The following MAK variants were observed in gnomAD, a reference collection of about 807,000 sequenced individuals.
MAK encodes male germ cell associated kinase.
MAK carries 65 observed loss-of-function variants against 82.6 expected under a neutral mutation model. That is an observed-to-expected ratio of 0.79 (90% CI 0.64 to 0.97). The LOEUF (loss-of-function observed/expected upper bound fraction) is 0.97. Ranked by LOEUF, MAK falls within the 50% of genes least tolerant of loss-of-function variation. The pLI is 0.00. For missense variants in MAK, 703 were observed against 780.2 expected, an observed-to-expected ratio of 0.90 and a Z score of 1.18; for synonymous variants, 250 against 274.2, an observed-to-expected ratio of 0.91 and a Z score of 0.87.
At chr6:10,773,011 T>C in intron 13 of MAK, 23 bp downstream of exon 13, 1 of 1,469,128 alleles carries the variant, frequency 6.8e-7, no homozygotes. Context: ...ACAAACTGCA[T>C]TCATCTGACG....
At chr6:10,764,819 G>A (rs58778982) in intron 14 of MAK, among the ~76,000 whole-genome samples, 2,232 of 152,192 alleles carry the variant, frequency 0.015, 63 homozygotes, top group African/African-American at 0.051. Context: ...CTGGCCGGGC[G>A]CAGTGGCTCC....
intron 10 of MAK, chr6:10,785,030 C>A (rs6936890): frequency 3.8e-5 from 17 of 451,756 alleles, no homozygotes; most frequent in Middle Eastern, 3.3e-4. Flanking sequence ...TACAATTTCC[C>A]GTCACCCTAG....
At chr6:10,818,994 A>G in intron 2 of MAK, 54 bp from the exon 3 acceptor site, 1 of 958,790 alleles carries the variant, frequency 1.0e-6, no homozygotes, top group Non-Finnish European at 1.7e-6. Context: ...TCAAAGACAC[A>G]CATTACACTG....
intron 2 of MAK, among the ~76,000 whole-genome samples, chr6:10,821,963 G>A (rs760920312): frequency 1.3e-5 from 2 of 150,982 alleles, no homozygotes; most frequent in African/African-American, 2.4e-5. Flanking sequence ...CTGGGTAACA[G>A]GGTGAAACCC....
chr6:10,782,991 C>T (rs1379427892), intron 11 of MAK, among the ~76,000 whole-genome samples: 2 of 152,152 alleles, frequency 1.3e-5, no homozygotes, highest in African/African-American at 4.8e-5. Context: ...CTCTTGTTTG[C>T]CATGCCCCAT....
chr6:10,831,632 G>T (rs868730632), intron 1 of MAK, among the ~76,000 whole-genome samples: 7 of 152,078 alleles, frequency 4.6e-5, no homozygotes, highest in Non-Finnish European at 1.0e-4. Context: ...TGTAGTCCCA[G>T]CTACTTGGGA....
At chr6:10,772,051 C>T (rs569640760) in intron 13 of MAK, among the ~76,000 whole-genome samples, 2 of 152,316 alleles carry the variant, frequency 1.3e-5, no homozygotes, top group South Asian at 4.1e-4. Flanking sequence ...GACGGGAAAG[C>T]TGGCTTAAAC....
In MAK at chr6:10,830,534, G is replaced by A. The variant is rs1344520082; in HGVS notation, c.101+14C>T. On this transcript the variant is annotated intron_variant, in intron 2 of 14. Transcript: ENST00000354489. ...AGTTTTCAAAGGTGAAGTTGGCAGTGTCACACACAGTACCTTTTGATGGCC... is the reference window on the plus strand; with the variant it reads ...AGTTTTCAAAGGTGAAGTTGGCAGTATCACACACAGTACCTTTTGATGGCC... 3 of 1,600,318 alleles carry A rather than the reference G, an allele frequency of 1.9e-6. No homozygotes were observed. Among genetic ancestry groups the A allele is most frequent in the Admixed American group, 3.3e-5 (2 of 59,960 alleles).
At chr6:10,816,863 G>T (rs1777538698) in intron 4 of MAK, among the ~76,000 whole-genome samples, 1 of 152,026 alleles carries the variant, frequency 6.6e-6, no homozygotes, top group African/African-American at 2.4e-5. Context: ...AAAAATACTT[G>T]TAAGTAAATT....
chr6:10,764,552 T>C lies in MAK; in HGVS notation c.1847A>G (p.Asn616Ser). The C allele has an allele frequency of 6.2e-7, 1 of 1,614,050 alleles. No individual in the cohort carries two copies. Among genetic ancestry groups the C allele is most frequent in the Non-Finnish European group, 8.5e-7 (1 of 1,179,952 alleles). The change falls in exon 15 of 15, where the codon AAT becomes AGT. Residue 616 changes from asparagine to serine, a missense_variant. Asn to Ser is a conservative substitution (Grantham distance 46). Coordinates refer to ENST00000354489, the MANE Select transcript of MAK (RefSeq NM_001242957.3). Reference sequence around the variant, plus strand: ...AATATTTAGGTTTTTTGCTGTAGGATTATAAGTACGTCCTGAAAACTGCCC... The same window carrying C: ...AATATTTAGGTTTTTTGCTGTAGGACTATAAGTACGTCCTGAAAACTGCCC... Reference protein sequence around the residue: ...GRGQFSGRTYNPTAKNLNIVN... With the variant: ...GRGQFSGRTYSPTAKNLNIVN...
intron 1 of MAK, among the ~76,000 whole-genome samples, chr6:10,837,582 GAATA>G (rs1282186688): frequency 6.6e-6 from 1 of 152,188 alleles, no homozygotes; most frequent in Non-Finnish European, 1.5e-5. Context: ...TTGTGTTTCT[GAATA>G]AATAAAGTCA....
At chr6:10,837,013 G>T (rs1484773718) in intron 1 of MAK, among the ~76,000 whole-genome samples, 1 of 152,138 alleles carries the variant, frequency 6.6e-6, no homozygotes, top group Non-Finnish European at 1.5e-5. Context: ...AACAGCTTTT[G>T]CCAGCTAATA....
At chr6:10,790,392 A>G (rs1441913742) in intron 10 of MAK, among the ~76,000 whole-genome samples, 6 of 151,948 alleles carry the variant, frequency 3.9e-5, no homozygotes, top group Non-Finnish European at 8.8e-5. Context: ...TGTTCTTTCT[A>G]TTCTTCTGTT....
rs1300112375 is a variant in MAK, at chr6:10,764,556, A to C, written c.1843T>G (p.Tyr615Asp). 5 of 1,613,936 alleles carry C rather than the reference A, an allele frequency of 3.1e-6. No homozygotes were observed. The East Asian group carries it at 1.1e-4, about 36-fold the overall frequency. The change falls in exon 15 of 15, where the codon TAT becomes GAT. Residue 615 changes from tyrosine (Y) to aspartate (D), a missense_variant. By Grantham distance (160) the Tyr-to-Asp change is radical. Coordinates refer to ENST00000354489, the MANE Select transcript of MAK (RefSeq NM_001242957.3). ...TTTAGGTTTTTTGCTGTAGGATTAT[A>C]AGTACGTCCTGAAAACTGCCCCCGA... ...TGRGQFSGRT[Y>D]NPTAKNLNIV...
At chr6:10,819,827 T>G (rs976925441) in intron 2 of MAK, among the ~76,000 whole-genome samples, 5 of 151,956 alleles carry the variant, frequency 3.3e-5, no homozygotes, top group African/African-American at 4.8e-5. Flanking sequence ...TAAACAGGAT[T>G]CATGGCCGGG....
In MAK at chr6:10,796,137, G is replaced by A. The variant is rs1775534935; in HGVS notation, c.1004C>T (p.Pro335Leu). Residue 335 changes from proline (P) to leucine (L), a missense_variant, in exon 9 of 15, where the codon CCC becomes CTC. Pro to Leu is a moderately conservative substitution (Grantham distance 98). Transcript: ENST00000354489. The part of the protein sequence containing the change: ...PDIIDQVVGQ[P>L]QPKTSQQPLQ... ...TGGCTGCTGGCTAGTTTTTGGCTGGGGTTGTCCAACAACCTGATCGATTAT... is the reference window on the plus strand; with the variant it reads ...TGGCTGCTGGCTAGTTTTTGGCTGGAGTTGTCCAACAACCTGATCGATTAT... 6.2e-7 allele frequency: 1 copy of A among 1,613,978 alleles called. No individual in the cohort carries two copies. The highest frequency in any genetic ancestry group is 1.3e-5 in the African/African-American group (1 of 74,890).
intron 7 of MAK, chr6:10,802,272 T>C (rs1581711119): frequency 3.8e-6 from 2 of 527,170 alleles, no homozygotes; most frequent in Non-Finnish European, 6.7e-6. Context: ...TAGGAAACAA[T>C]GCGAAAAGCA....
chr6:10,806,500 G>A (rs1196933367), intron 6 of MAK, among the ~76,000 whole-genome samples: 2 of 118,778 alleles, frequency 1.7e-5, no homozygotes, highest in African/African-American at 6.6e-5. Flanking sequence ...CACCACACCC[G>A]TCTAATTTTT....
At chr6:10,807,792 G>A (rs183419607) in intron 6 of MAK, among the ~76,000 whole-genome samples, 3 of 151,944 alleles carry the variant, frequency 2.0e-5, no homozygotes, top group East Asian at 2.0e-4. Context: ...GGCCGGGCCC[G>A]GTGGCTCACG....
Sources: gnomAD v4.1 joint callset for allele counts (sites outside exome capture counted in the v4.1 genomes callset) on GRCh38, gnomAD v4.1.1 for gene constraint, MANE v1.5 for transcripts, NCBI Gene and HGNC (gene_info 2026-07-23, HGNC 2026-07-21) for gene names.